CCDC25: variants seen among roughly 807,000 people sequenced by gnomAD.
CCDC25 encodes coiled-coil domain-containing protein 25.
A neutral mutation model predicts 35.3 loss-of-function variants in CCDC25; 16 were observed. That is an observed-to-expected ratio of 0.45 (90% confidence interval 0.31 to 0.69). The LOEUF is 0.69. CCDC25 is among the 30% of genes least tolerant of loss of function. CCDC25 has a pLI of 0.06. For synonymous variants in CCDC25, 79 were observed against 80.3 expected (o/e 0.98, Z 0.09); for missense variants, 179 against 250.7 (o/e 0.71, Z 1.93).
At chr8:27,756,893 C>A in intron 3 of CCDC25, 123 bp from the exon 4 acceptor site, 1 of 707,390 alleles carries the variant, frequency 1.4e-6, no homozygotes. Context: ...TGTGAAGCAT[C>A]ATGAGGAGTA....
In CCDC25 at chr8:27,737,246, G is replaced by A. The variant is rs1186179032; in HGVS notation, c.598-1001C>T. Among the ~76,000 whole-genome samples, 3 of 152,120 alleles carry A rather than the reference G, an allele frequency of 2.0e-5. No homozygotes were observed. The highest frequency in any genetic ancestry group is 4.8e-5 in the African/African-American group (2 of 41,414). On this transcript the variant is annotated intron_variant, in intron 8 of 8. Transcript: ENST00000356537. The surrounding 1 kb of genome is among the most constrained non-coding windows in gnomAD (Gnocchi z 4.6). ...CAGACTAATGATTGTGTTATATCCAGGCGCAAAGACTATGATTGCCCCAGA... is the reference window on the plus strand; with the variant it reads ...CAGACTAATGATTGTGTTATATCCAAGCGCAAAGACTATGATTGCCCCAGA...
At position 27,772,587 on chromosome 8, in the gene CCDC25, A is replaced by T. The variant is rs775288012; in HGVS notation, c.-47T>A. ...ACTCCACCGCGGAGCAGCAGCGCTCAACTCACGAAGCTCAGGATACCAGAC... is the reference window on the plus strand; with the variant it reads ...ACTCCACCGCGGAGCAGCAGCGCTCTACTCACGAAGCTCAGGATACCAGAC... On this transcript the variant is annotated 5_prime_UTR_variant, in exon 1 of 9. Transcript: ENST00000356537. 64 of 1,539,554 alleles carry T rather than the reference A, an allele frequency of 4.2e-5. 1 individual carries two copies. Among genetic ancestry groups the T allele is most frequent in the African/African-American group, 1.4e-5 (1 of 72,798 alleles).
intron 2 of CCDC25, 80 bp from the exon 3 acceptor site, chr8:27,762,538 G>C: frequency 7.7e-7 from 1 of 1,290,794 alleles, no homozygotes; most frequent in Non-Finnish European, 1.1e-6. Flanking sequence ...TGGGAGAAAT[G>C]TCAGCTCCTC....
chr8:27,758,256 T>C (rs1017639747), intron 3 of CCDC25, among the ~76,000 whole-genome samples: 5 of 152,214 alleles, frequency 3.3e-5, no homozygotes, highest in Admixed American at 3.3e-4. Flanking sequence ...CACTAATAAA[T>C]GTTTTAGAGG....
chr8:27,764,584 C>T lies in CCDC25; in HGVS notation c.76+620G>A, dbSNP rs989068971. On this transcript the variant is annotated intron_variant, in intron 2 of 8. Transcript: ENST00000356537. The stretch of plus-strand genomic sequence containing the variant: ...GTGAACCACCATGCCTGGCCTCTTA[C>T]GTTTTTTTCTACAAAGGTTTTTAAT... 3.1e-5 allele frequency: 7 copies of T among 224,840 alleles called. No individual in the cohort carries two copies. The East Asian group carries it at 5.3e-4, about 17-fold the overall frequency. 13.9% of individuals were successfully genotyped at this position (224,840 alleles called of 1,614,324 possible).
chr8:27,758,494 A>G (rs971786521), intron 3 of CCDC25, among the ~76,000 whole-genome samples: 3 of 152,222 alleles, frequency 2.0e-5, no homozygotes, highest in Non-Finnish European at 4.4e-5. Flanking sequence ...CAAGTGGTTC[A>G]CTTACTCATT....
In CCDC25 at chr8:27,771,714, T is replaced by C. The variant is rs1585383832; in HGVS notation, c.28+799A>G. Among the ~76,000 whole-genome samples, 6 of 152,304 alleles carry C rather than the reference T, an allele frequency of 3.9e-5. No individual in the cohort carries two copies. In the South Asian group the frequency reaches 1.2e-3, roughly 32 times the overall value. On this transcript the variant is annotated intron_variant, in intron 1 of 8. Coordinates refer to ENST00000356537, the MANE Select transcript of CCDC25 (RefSeq NM_018246.3). ...GATAAGTGCAATGCCAAAGGCATAC[T>C]TGGAACGTTAAGTGGGTCCCAGGAA...
intron 8 of CCDC25, among the ~76,000 whole-genome samples, 176 bp downstream of exon 8, chr8:27,740,296 G>A (rs1803390588): frequency 6.6e-6 from 1 of 152,172 alleles, no homozygotes; most frequent in Non-Finnish European, 1.5e-5. Flanking sequence ...AAATGAGAAA[G>A]TCCACAGGGA....
In CCDC25 at chr8:27,748,988, C is replaced by T. The variant is rs145753805; in HGVS notation, c.245-390G>A. On this transcript the variant is annotated intron_variant, in intron 5 of 8. Transcript: ENST00000356537. ...ACGGAAAGCCATGGCCTGGAACTCA[C>T]AAGCCCTGGACTCTATCCGGGACTA... is the stretch of plus-strand genomic sequence containing the variant. Among the ~76,000 whole-genome samples the T allele has an allele frequency of 4.5e-3, 684 of 152,306 alleles. 7 individuals carry two copies. Among genetic ancestry groups the T allele is most frequent in the African/African-American group, 0.016 (656 of 41,550 alleles).
intron 3 of CCDC25, among the ~76,000 whole-genome samples, chr8:27,761,345 A>G (rs955748957): frequency 6.6e-6 from 1 of 152,226 alleles, no homozygotes; most frequent in Non-Finnish European, 1.5e-5. Flanking sequence ...CAGAGCCAGT[A>G]GCAGACAGAG....
At chr8:27,750,152 C>T (rs765958899) in intron 5 of CCDC25, among the ~76,000 whole-genome samples, 9 of 152,130 alleles carry the variant, frequency 5.9e-5, no homozygotes, top group Non-Finnish European at 8.8e-5. Flanking sequence ...TGATCAAATG[C>T]TGTTGGAAAG....
chr8:27,754,147 A>G (rs1326600689), intron 4 of CCDC25, among the ~76,000 whole-genome samples: 4 of 152,208 alleles, frequency 2.6e-5, no homozygotes, highest in Non-Finnish European at 5.9e-5. Flanking sequence ...TGAAAAACAA[A>G]AAACAAAAAA....
At chr8:27,766,729 CAAT>C (rs933814915) in intron 1 of CCDC25, among the ~76,000 whole-genome samples, 71 of 151,376 alleles carry the variant, frequency 4.7e-4, no homozygotes, top group African/African-American at 1.7e-3. Flanking sequence ...CTCCACCAAG[CAAT>C]AATCTTTTTA....
At chr8:27,738,378 TGAAA>T (rs1417343010) in intron 8 of CCDC25, among the ~76,000 whole-genome samples, 13 of 152,168 alleles carry the variant, frequency 8.5e-5, no homozygotes, top group African/African-American at 3.1e-4. Flanking sequence ...ACATTTTCAC[TGAAA>T]GAGAGAATAA....
intron 1 of CCDC25, chr8:27,771,885 C>G (rs1262670035): frequency 6.6e-6 from 1 of 152,258 alleles, no homozygotes; most frequent in African/African-American, 2.4e-5. Context: ...CAAGTCGGGA[C>G]ACTGCATTTC....
rs182000518 is a variant in CCDC25 at position 27,767,880 on chromosome 8, C to T, written c.29-2629G>A. Among the ~76,000 whole-genome samples the T allele has an allele frequency of 5.3e-5, 8 of 152,006 alleles. No individual in the cohort carries two copies. The South Asian group carries it at 6.2e-4, about 12-fold the overall frequency. On this transcript the variant is annotated intron_variant, in intron 1 of 8. Coordinates refer to ENST00000356537, the MANE Select transcript of CCDC25 (RefSeq NM_018246.3). ...AGAAAAAAATAGAGAAAAAGAGAAA[C>T]GGAAAAAGAAAGACAAGGCATGTAG... is the stretch of plus-strand genomic sequence containing the variant.
At position 27,772,549 on chromosome 8, in the gene CCDC25, G is replaced by C; in HGVS notation, c.-9C>G. On this transcript the variant is annotated 5_prime_UTR_variant, in exon 1 of 9. Transcript: ENST00000356537. ...GTGAAGTAGAACACCATGATCCCGG[G>C]AGCGGTGCGGTGACTCCACCGCGGA... The C allele has an allele frequency of 3.9e-6, 6 of 1,549,280 alleles. No individual in the cohort carries two copies. The highest frequency in any genetic ancestry group is 5.2e-6 in the Non-Finnish European group (6 of 1,146,574).
In CCDC25 at chr8:27,743,124, T is replaced by C. The variant is rs77437620; in HGVS notation, c.552-2607A>G. Among the ~76,000 whole-genome samples the C allele has an allele frequency of 8.4e-3, 1,280 of 152,302 alleles. 23 individuals carry two copies. The highest frequency in any genetic ancestry group is 0.03 in the African/African-American group (1,245 of 41,564). On this transcript the variant is annotated intron_variant, in intron 7 of 8. Transcript: ENST00000356537. ...CCAACTAGCAACCTAGGAGTCATTCTTAGCCCCCTTTTCCCTGCCCTTTGC... is the reference window on the plus strand; with the variant it reads ...CCAACTAGCAACCTAGGAGTCATTCCTAGCCCCCTTTTCCCTGCCCTTTGC...
At chr8:27,764,469 G>T in intron 2 of CCDC25, 1 of 387,548 alleles carries the variant, frequency 2.6e-6, no homozygotes. Flanking sequence ...TGTAGAGACA[G>T]GGTCTCCCTA....
Sources: gnomAD v4.1 joint callset for allele counts (sites outside exome capture counted in the v4.1 genomes callset) on GRCh38, gnomAD v4.1.1 for gene constraint, Gnocchi (gnomAD v3.1) non-coding constraint, MANE v1.5 for transcripts, NCBI Gene and HGNC (gene_info 2026-07-23, HGNC 2026-07-21) for gene names.